The following DAD1 variants were observed in gnomAD, a reference collection of about 807,000 sequenced individuals.
The protein encoded by DAD1 is defender against cell death 1.
Under a neutral mutation model 9.0 loss-of-function variants are expected in DAD1, and 4 were observed. That is an observed-to-expected ratio of 0.44 (90% CI 0.22 to 1.01). The LOEUF (loss-of-function observed/expected upper bound fraction) is 1.01, where lower values mean the gene tolerates loss of function less well. DAD1 is among the 50% of genes least tolerant of loss of function. The pLI is 0.24. For synonymous variants in DAD1, 60 were observed against 62.5 expected, an observed-to-expected ratio of 0.96 and a Z score of 0.19; for missense variants, 119 against 137.3, an observed-to-expected ratio of 0.87 and a Z score of 0.67.
chr14:22,567,996 A>G (rs897439687), intron 2 of DAD1, among the ~76,000 whole-genome samples: 1 of 152,216 alleles, frequency 6.6e-6, no homozygotes, highest in Non-Finnish European at 1.5e-5. Flanking sequence ...TCTTAAAAAG[A>G]AAAGTTTAAT....
intron 1 of DAD1, among the ~76,000 whole-genome samples, chr14:22,577,949 T>C (rs965170076): frequency 1.3e-5 from 2 of 152,196 alleles, no homozygotes; most frequent in African/African-American, 4.8e-5. Context: ...TGTTTTATCT[T>C]GACCAAAAAC....
At chr14:22,585,557 A>G (rs1237475824) in intron 1 of DAD1, among the ~76,000 whole-genome samples, 1 of 152,192 alleles carries the variant, frequency 6.6e-6, no homozygotes, top group Admixed American at 6.5e-5. Context: ...AAGCCAATAT[A>G]TTATACTCTG....
In DAD1 at chr14:22,575,170, C is replaced by G; in HGVS notation, c.275G>C (p.Arg92Pro). The G allele has an allele frequency of 6.2e-7, 1 of 1,614,160 alleles. No homozygotes were observed. The highest frequency in any genetic ancestry group is 1.7e-5 in the Admixed American group (1 of 60,024). Reference sequence around the variant, plus strand: ...GGCAAAGAGAAAATCAGCAAAGGCTCGCTCTGGGGAGATGCCTTGGAAATC... The same window carrying G: ...GGCAAAGAGAAAATCAGCAAAGGCTGGCTCTGGGGAGATGCCTTGGAAATC... Reference protein sequence around the residue: ...KADFQGISPERAFADFLFAST... With the variant: ...KADFQGISPEPAFADFLFAST... The change falls in exon 2 of 3, where the codon CGA becomes CCA. Residue 92 changes from arginine (R) to proline (P), a missense_variant. Physicochemically the swap from Arg to Pro is moderately radical, Grantham distance 103. Transcript: ENST00000250498.
chr14:22,577,498 A>G (rs1258076016), intron 1 of DAD1, among the ~76,000 whole-genome samples: 2 of 152,220 alleles, frequency 1.3e-5, no homozygotes, highest in South Asian at 2.1e-4. Context: ...CCATGTTCAT[A>G]GCAGCATTAG....
chr14:22,568,669 G>A (rs1352503473), intron 2 of DAD1, among the ~76,000 whole-genome samples: 3 of 150,918 alleles, frequency 2.0e-5, no homozygotes, highest in Non-Finnish European at 4.4e-5. Flanking sequence ...AGTTAACAGA[G>A]CAAAGCCTAC....
chr14:22,580,065 G>A (rs1035397944), intron 1 of DAD1, among the ~76,000 whole-genome samples: 37 of 151,494 alleles, frequency 2.4e-4, no homozygotes, highest in Non-Finnish European at 5.9e-5. Context: ...CAATCCTCCC[G>A]CCTCTGCTTG....
At position 22,589,206 on chromosome 14, in the gene DAD1, C is replaced by T; in HGVS notation, c.-49G>A. ...CCGCGCCCCAAACTCTTGGAGGACC[C>T]GTCGACCACACCGGATGTGCTGTTT... On this transcript the variant is annotated 5_prime_UTR_variant, in exon 1 of 3. Coordinates refer to ENST00000250498, the MANE Select transcript of DAD1 (RefSeq NM_001344.4). 1 of 1,589,686 alleles carries T rather than the reference C, an allele frequency of 6.3e-7. No individual in the cohort carries two copies. Among genetic ancestry groups the T allele is most frequent in the Non-Finnish European group, 8.6e-7 (1 of 1,159,432 alleles).
At chr14:22,583,785 C>T (rs1594884587) in intron 1 of DAD1, among the ~76,000 whole-genome samples, 1 of 152,032 alleles carries the variant, frequency 6.6e-6, no homozygotes, top group Non-Finnish European at 1.5e-5. Flanking sequence ...GAAAGAGACA[C>T]ATCATCCACC....
At chr14:22,566,249 C>T (rs1566368823) in intron 2 of DAD1, among the ~76,000 whole-genome samples, 1 of 151,988 alleles carries the variant, frequency 6.6e-6, no homozygotes, top group Non-Finnish European at 1.5e-5. Flanking sequence ...CAAAACCAAA[C>T]AGACCTATTC....
chr14:22,577,398 C>T (rs911820840), intron 1 of DAD1, among the ~76,000 whole-genome samples: 1 of 152,182 alleles, frequency 6.6e-6, no homozygotes, highest in African/African-American at 2.4e-5. Context: ...CACTCCGTCC[C>T]ACTCCAGCCT....
intron 1 of DAD1, among the ~76,000 whole-genome samples, chr14:22,583,725 T>C (rs2037133838): frequency 6.6e-6 from 1 of 152,030 alleles, no homozygotes; most frequent in Admixed American, 6.6e-5. Flanking sequence ...GCGGAGTCCC[T>C]GAGTGAGCAA....
intron 1 of DAD1, among the ~76,000 whole-genome samples, chr14:22,587,399 C>A (rs2037160726): frequency 6.6e-6 from 1 of 152,136 alleles, no homozygotes; most frequent in Non-Finnish European, 1.5e-5. Context: ...CTTCTCCGGG[C>A]TGGCTAATAA....
Sources: allele counts gnomAD v4.1 joint callset (sites outside exome capture counted in the v4.1 genomes callset), GRCh38; gene constraint gnomAD v4.1.1; transcripts MANE v1.5; gene names NCBI Gene and HGNC (gene_info 2026-07-23, HGNC 2026-07-21).